ADAMTSL1: variants seen among roughly 807,000 people sequenced by gnomAD.
ADAMTSL1 encodes the protein ADAMTS-like protein 1.
Under a neutral mutation model 201.8 loss-of-function variants are expected in ADAMTSL1, and 126 were observed. That is an observed-to-expected ratio of 0.62 (90% CI 0.54 to 0.72). The LOEUF (loss-of-function observed/expected upper bound fraction) is 0.72. ADAMTSL1 is among the 30% of genes least tolerant of loss of function. The pLI, the probability that ADAMTSL1 is intolerant of heterozygous loss-of-function variation, is 0.00. For missense variants in ADAMTSL1, 2,679 were observed against 2,277.8 expected (o/e 1.18, Z -3.59); for synonymous variants, 1,121 against 903.4 (o/e 1.24, Z -4.32).
intron 2 of ADAMTSL1, among the ~76,000 whole-genome samples, chr9:18,239,905 G>C (rs1241686846): frequency 6.6e-6 from 1 of 152,114 alleles, no homozygotes; most frequent in Non-Finnish European, 1.5e-5. Context: ...ACATATTCAG[G>C]CTCCATTTCT....
At chr9:18,540,549 C>G (rs974021895) in intron 3 of ADAMTSL1, among the ~76,000 whole-genome samples, 2 of 152,046 alleles carry the variant, frequency 1.3e-5, no homozygotes, top group Non-Finnish European at 2.9e-5. Context: ...AGGTGCAGTA[C>G]AAGGTATATT....
chr9:18,791,016 G>C (rs1822001360), intron 19 of ADAMTSL1, among the ~76,000 whole-genome samples: 1 of 152,128 alleles, frequency 6.6e-6, no homozygotes, highest in South Asian at 2.1e-4. Flanking sequence ...ATGTTTCTCT[G>C]CCTGCTCATT....
At chr9:18,425,562 A>G (rs1819173732) in intron 2 of ADAMTSL1, among the ~76,000 whole-genome samples, 1 of 152,206 alleles carries the variant, frequency 6.6e-6, no homozygotes, top group Non-Finnish European at 1.5e-5. Flanking sequence ...TTTAAAAAAG[A>G]AAATTCTCCA....
intron 14 of ADAMTSL1, among the ~76,000 whole-genome samples, chr9:18,709,633 T>A (rs535933074): frequency 1.5e-4 from 23 of 152,294 alleles, no homozygotes; most frequent in Non-Finnish European, 2.4e-4. Context: ...ACACTGAAAA[T>A]CCCATTTTCT....
At chr9:17,918,810 T>C (rs901148148) in intron 1 of ADAMTSL1, among the ~76,000 whole-genome samples, 1 of 151,912 alleles carries the variant, frequency 6.6e-6, no homozygotes, top group African/African-American at 2.4e-5. Context: ...ACTTGTCTAT[T>C]TCTCTTGCAG....
intron 1 of ADAMTSL1, among the ~76,000 whole-genome samples, chr9:17,910,424 G>T: frequency 1.5e-5 from 1 of 68,128 alleles, no homozygotes; most frequent in African/African-American, 3.0e-5. Flanking sequence ...AAGTCATTAG[G>T]TGCTTTCTTG....
intron 1 of ADAMTSL1, among the ~76,000 whole-genome samples, chr9:17,998,162 T>A (rs1002752972): frequency 2.0e-5 from 3 of 152,040 alleles, no homozygotes; most frequent in African/African-American, 7.2e-5. Flanking sequence ...AGCAGACATG[T>A]GTTAAAAGAA....
chr9:18,060,720 CT>C (rs1411097957), intron 1 of ADAMTSL1, among the ~76,000 whole-genome samples: 4 of 152,164 alleles, frequency 2.6e-5, no homozygotes, highest in Admixed American at 6.5e-5. Flanking sequence ...CCACTGCCCC[CT>C]ATCCTGAACT....
chr9:18,176,399 G>A (rs928759845), intron 2 of ADAMTSL1, among the ~76,000 whole-genome samples: 2 of 152,112 alleles, frequency 1.3e-5, no homozygotes, highest in African/African-American at 2.4e-5. Context: ...GATAATAACT[G>A]TATTAATAAC....
intron 1 of ADAMTSL1, among the ~76,000 whole-genome samples, chr9:18,156,443 T>C (rs56128464): frequency 0.16 from 24,889 of 152,024 alleles, 2,333 homozygotes; most frequent in East Asian, 0.24. Flanking sequence ...TGTTGACCAA[T>C]ATAAACATTT....
intron 2 of ADAMTSL1, among the ~76,000 whole-genome samples, chr9:18,196,427 T>C (rs1426728255): frequency 3.3e-5 from 5 of 152,050 alleles, no homozygotes; most frequent in African/African-American, 1.2e-4. Flanking sequence ...TCAGGCTTAA[T>C]TGTAAAAATG....
At chr9:18,486,318 C>G (rs894486569) in intron 1 of ADAMTSL1, among the ~76,000 whole-genome samples, 4 of 152,202 alleles carry the variant, frequency 2.6e-5, no homozygotes, top group Non-Finnish European at 1.5e-5. Flanking sequence ...TGAATTCAGG[C>G]CCAAGTTTTC....
At chr9:18,262,801 A>T (rs1339214571) in intron 2 of ADAMTSL1, among the ~76,000 whole-genome samples, 1 of 152,250 alleles carries the variant, frequency 6.6e-6, no homozygotes, top group East Asian at 1.9e-4. Context: ...GTAGGAGAGC[A>T]AGAGACTATA....
At chr9:18,016,822 G>A (rs770061980) in intron 1 of ADAMTSL1, among the ~76,000 whole-genome samples, 9 of 151,992 alleles carry the variant, frequency 5.9e-5, no homozygotes, top group Admixed American at 1.3e-4. Context: ...AGTATTCTGC[G>A]TCATGTTTAT....
intron 1 of ADAMTSL1, among the ~76,000 whole-genome samples, chr9:18,501,669 G>A (rs1564000731): frequency 1.3e-5 from 2 of 152,298 alleles, no homozygotes; most frequent in South Asian, 2.1e-4. Flanking sequence ...GTCATTGCTG[G>A]TTATAGATGT....
At chr9:18,889,825 C>G in intron 25 of ADAMTSL1, 77 bp downstream of exon 25, 1 of 1,357,932 alleles carries the variant, frequency 7.4e-7, no homozygotes, top group Non-Finnish European at 9.6e-7. Flanking sequence ...AGTGGCCAGC[C>G]CTTCAGTAGC....
chr9:18,272,717 T>TC (rs1175507939), intron 2 of ADAMTSL1, among the ~76,000 whole-genome samples: 1 of 152,206 alleles, frequency 6.6e-6, no homozygotes, highest in African/African-American at 2.4e-5. Flanking sequence ...AAAATGGTTT[T>TC]CCTAGACATT....
At chr9:18,814,216 C>T (rs1205930686) in intron 20 of ADAMTSL1, among the ~76,000 whole-genome samples, 1 of 152,158 alleles carries the variant, frequency 6.6e-6, no homozygotes, top group Non-Finnish European at 1.5e-5. Context: ...GTTGAACCAT[C>T]CTTGTGTCTG....
intron 2 of ADAMTSL1, among the ~76,000 whole-genome samples, chr9:18,343,992 C>T (rs1395482222): frequency 6.6e-6 from 1 of 152,104 alleles, no homozygotes; most frequent in Admixed American, 6.6e-5. Context: ...CATGTGATTT[C>T]TTCATCTTTA....
Sources: gnomAD v4.1 joint callset for allele counts (sites outside exome capture counted in the v4.1 genomes callset) on GRCh38, gnomAD v4.1.1 for gene constraint, MANE v1.5 for transcripts, NCBI Gene and HGNC (gene_info 2026-07-23, HGNC 2026-07-21) for gene names.